LPCAT3: variants seen among roughly 807,000 people sequenced by gnomAD.
LPCAT3 encodes lysophosphatidylcholine acyltransferase 3, also known as lysophospholipid acyltransferase 5.
LPCAT3 carries 21 observed loss-of-function variants against 63.4 expected under a neutral mutation model. The observed-to-expected ratio is 0.33, with a 90% CI of 0.23 to 0.48. The LOEUF is 0.48. LPCAT3 is among the 20% of genes least tolerant of loss of function. The probability of loss-of-function intolerance (pLI) is 0.99; values close to 1 mark genes in which losing one functional copy is unlikely to be tolerated. For missense variants in LPCAT3, 451 were observed against 590.6 expected (o/e 0.76, Z 2.45); for synonymous variants, 242 against 227.5 (o/e 1.06, Z -0.58).
In LPCAT3 at chr12:6,978,515, G is replaced by A; in HGVS notation, c.874-8C>T. 6 of 1,611,702 alleles carry A rather than the reference G, an allele frequency of 3.7e-6. No individual in the cohort carries two copies. Among genetic ancestry groups the A allele is most frequent in the Non-Finnish European group, 5.1e-6 (6 of 1,178,100 alleles). On this transcript the variant is annotated splice_region_variant and splice_polypyrimidine_tract_variant and intron_variant, in intron 8 of 12. Transcript: ENST00000261407. ...CAAAATGCATACTCCTTCCTGAGAG[G>A]GAATAGCTCAGTTAGGGCTCTTGCC...
intron 1 of LPCAT3, among the ~76,000 whole-genome samples, chr12:6,988,852 CGCCGTG>C (rs1946557703): frequency 6.6e-6 from 1 of 152,106 alleles, no homozygotes; most frequent in Non-Finnish European, 1.5e-5. Flanking sequence ...GTTGGCCGGG[CGCCGTG>C]GCTCACGCCT....
intron 1 of LPCAT3, among the ~76,000 whole-genome samples, chr12:7,012,686 T>TA (rs1308142721): frequency 6.6e-6 from 1 of 152,184 alleles, no homozygotes; most frequent in Non-Finnish European, 1.5e-5. Flanking sequence ...ACTCTGTCTT[T>TA]AGCCCAGCTT....
intron 1 of LPCAT3, among the ~76,000 whole-genome samples, chr12:7,000,327 C>T (rs1011071393): frequency 5.3e-5 from 8 of 151,600 alleles, no homozygotes; most frequent in Non-Finnish European, 1.2e-4. Flanking sequence ...CGCGGTGGCT[C>T]ATGCCCACCC....
chr12:6,981,953 C>T (rs782572781), intron 3 of LPCAT3, 49 bp from the exon 4 acceptor site: 17 of 957,194 alleles, frequency 1.8e-5, no homozygotes, highest in Middle Eastern at 2.1e-4. Context: ...ATTTCTTCTC[C>T]TTGCTCTGAA....
At chr12:6,998,102 A>G (rs1169430812) in intron 1 of LPCAT3, among the ~76,000 whole-genome samples, 2 of 152,198 alleles carry the variant, frequency 1.3e-5, no homozygotes, top group African/African-American at 4.8e-5. Flanking sequence ...TGCAGCCTTG[A>G]TCTCCTGGGC....
intron 1 of LPCAT3, among the ~76,000 whole-genome samples, chr12:7,009,132 G>A (rs2138359542): frequency 6.6e-6 from 1 of 152,176 alleles, no homozygotes; most frequent in Non-Finnish European, 1.5e-5. Flanking sequence ...TGCAATCTCG[G>A]CTCACTACAA....
intron 1 of LPCAT3, among the ~76,000 whole-genome samples, chr12:6,985,072 AT>A (rs374834474): frequency 1.5e-5 from 2 of 133,798 alleles, no homozygotes; most frequent in East Asian, 2.2e-4. Context: ...CCTTCTAGTC[AT>A]TTTTCCCCCA....
At chr12:6,990,526 AAAATAAATAAATAAATAAAT>A (rs59048377) in intron 1 of LPCAT3, among the ~76,000 whole-genome samples, 2 of 144,404 alleles carry the variant, frequency 1.4e-5, no homozygotes, top group Admixed American at 1.4e-4. Flanking sequence ...AAATTAAAAT[AAAATAAATAAATAAATAAAT>A]AAATAAATAA....
chr12:6,992,101 A>G (rs1335036469), intron 1 of LPCAT3, among the ~76,000 whole-genome samples: 1 of 152,086 alleles, frequency 6.6e-6, no homozygotes, highest in Non-Finnish European at 1.5e-5. Context: ...AAGGACTGAC[A>G]TTTGATACAA....
intron 1 of LPCAT3, among the ~76,000 whole-genome samples, chr12:7,014,026 A>C (rs782294174): frequency 1.3e-5 from 2 of 152,374 alleles, no homozygotes; most frequent in Admixed American, 1.3e-4. Context: ...CTGTGTTGCC[A>C]CATTCACACC....
intron 1 of LPCAT3, among the ~76,000 whole-genome samples, chr12:6,992,355 T>C (rs1565601855): frequency 1.3e-5 from 2 of 151,980 alleles, no homozygotes; most frequent in Non-Finnish European, 2.9e-5. Flanking sequence ...ATTTACCACT[T>C]CATCAACGAT....
At position 6,977,893 on chromosome 12, in the gene LPCAT3, CTGAT is replaced by C. The variant is rs1946426374; in HGVS notation, c.1041-152_1041-149del. On this transcript the variant is annotated intron_variant, in intron 9 of 12. Transcript: ENST00000261407. This position sits in a 1 kb window ranked among gnomAD's most constrained non-coding sequence, Gnocchi z 4.5. The stretch of plus-strand genomic sequence containing the variant: ...CAGAGGGTACAGGAGGCAGTGCTGA[CTGAT>C]TACTTTTAGAGATGGAAAGCAGACC... 2.2e-6 allele frequency: 2 copies of C among 900,472 alleles called. No individual in the cohort carries two copies. The highest frequency in any genetic ancestry group is 3.4e-6 in the Non-Finnish European group (2 of 585,728). 55.8% of individuals were successfully genotyped at this position (900,472 alleles called of 1,614,324 possible). A position where few individuals can be genotyped will look rare whatever the true frequency, so the allele number is the denominator to read the frequency against.
rs781907383 is a variant in LPCAT3 at position 6,978,329 on chromosome 12, C to T, written c.1040+12G>A. ...AAGGAACCAGGGTCCAGGCTCCCCACCAGCAGCTCACCGGGCCACCCAGGC... is the reference window on the plus strand; with the variant it reads ...AAGGAACCAGGGTCCAGGCTCCCCATCAGCAGCTCACCGGGCCACCCAGGC... On this transcript the variant is annotated intron_variant, in intron 9 of 12. Coordinates refer to ENST00000261407, the MANE Select transcript of LPCAT3 (RefSeq NM_005768.6). 6.2e-6 allele frequency: 10 copies of T among 1,600,502 alleles called. No homozygotes were observed. Among genetic ancestry groups the T allele is most frequent in the Non-Finnish European group, 8.5e-6 (10 of 1,172,608 alleles).
At chr12:7,008,604 C>T (rs1946742343) in intron 1 of LPCAT3, among the ~76,000 whole-genome samples, 1 of 151,946 alleles carries the variant, frequency 6.6e-6, no homozygotes. Flanking sequence ...AAAAATTCCT[C>T]CTCTGGGTGT....
At position 6,981,917 on chromosome 12, in the gene LPCAT3, G is replaced by GA; in HGVS notation, c.367-14dup. On this transcript the variant is annotated splice_polypyrimidine_tract_variant and intron_variant, in intron 3 of 12. Coordinates refer to ENST00000261407, the MANE Select transcript of LPCAT3 (RefSeq NM_005768.6). ...CCAGAAGGTAGGCCTAGGAGAGGCA[G>GA]AAGTATTTATTCTAGCATCACTACT... 7.2e-7 allele frequency: 1 copy of GA among 1,392,884 alleles called. No homozygotes were observed. The allele number at this position is 1,392,884 out of a possible 1,614,324, so 86.3% of individuals were successfully genotyped here.
chr12:6,983,650 A>G, intron 1 of LPCAT3, 111 bp from the exon 2 acceptor site: 2 of 696,550 alleles, frequency 2.9e-6, no homozygotes, highest in Non-Finnish European at 5.1e-6. Context: ...AGAAAAAAAA[A>G]ACAACATACA....
Position 6,983,467 on chromosome 12 carries a change from G to C in LPCAT3, c.224C>G (p.Thr75Ser), listed in dbSNP as rs142588176. 6.2e-7 allele frequency: 1 copy of C among 1,612,370 alleles called. No homozygotes were observed. The highest frequency in any genetic ancestry group is 2.2e-5 in the East Asian group (1 of 44,866). Reference protein sequence around the residue: ...KETYLIHLFHTFTGLSIAYFN... With the variant: ...KETYLIHLFHSFTGLSIAYFN... ...ATAAGCAATTGAGAGGCCTGTAAAG[G>C]TATGGAAGAGGTGGATGAGGTAGGT... is the stretch of plus-strand genomic sequence containing the variant. Residue 75 changes from threonine (T) to serine (S), a missense_variant, in exon 2 of 13, where the codon ACC becomes AGC. Coordinates refer to ENST00000261407, the MANE Select transcript of LPCAT3 (RefSeq NM_005768.6).
intron 12 of LPCAT3, 80 bp from the exon 13 acceptor site, chr12:6,976,971 G>T (rs1217875453): frequency 6.7e-6 from 4 of 600,610 alleles, no homozygotes; most frequent in Non-Finnish European, 1.2e-5. Flanking sequence ...ATGTTTCCTA[G>T]CATGCCTCAA....
intron 1 of LPCAT3, among the ~76,000 whole-genome samples, chr12:7,010,779 A>T (rs1555157164): frequency 6.6e-6 from 1 of 152,200 alleles, no homozygotes; most frequent in Admixed American, 6.5e-5. Flanking sequence ...GGAATTCAAA[A>T]CATGATGTTT....
Sources: allele counts gnomAD v4.1 joint callset (sites outside exome capture counted in the v4.1 genomes callset), GRCh38; gene constraint gnomAD v4.1.1; non-coding constraint Gnocchi (gnomAD v3.1); transcripts MANE v1.5; gene names NCBI Gene and HGNC (gene_info 2026-07-23, HGNC 2026-07-21).